RBFOX1: variants seen among roughly 807,000 people sequenced by gnomAD.
RBFOX1 encodes the protein RNA binding fox-1 homolog 1.
RBFOX1 carries 8 observed loss-of-function variants against 57.7 expected under a neutral mutation model. That is an observed-to-expected ratio of 0.14 (90% confidence interval 0.08 to 0.25). The LOEUF is 0.25. Among genes scored for constraint, RBFOX1 ranks in the 10% least tolerant of loss-of-function variants. RBFOX1 has a pLI of 1.00. For synonymous variants in RBFOX1, 326 were observed against 222.4 expected (o/e 1.47, Z -4.15); for missense variants, 611 against 548.5 (o/e 1.11, Z -1.14).
chr16:6,293,689 C>A (rs1317754433), intron 1 of RBFOX1, among the ~76,000 whole-genome samples: 1 of 152,038 alleles, frequency 6.6e-6, no homozygotes, highest in Non-Finnish European at 1.5e-5. Context: ...CTAGTTCAGC[C>A]CTCGTCGCCT....
chr16:5,266,588 C>T (rs1429716245), intron 1 of RBFOX1, among the ~76,000 whole-genome samples: 1 of 140,840 alleles, frequency 7.1e-6, no homozygotes, highest in Non-Finnish European at 1.5e-5. Flanking sequence ...TTCTCTGTCA[C>T]CCAGGCTGGA....
intron 3 of RBFOX1, among the ~76,000 whole-genome samples, chr16:6,758,669 C>A (rs750834655): frequency 2.0e-5 from 3 of 152,178 alleles, no homozygotes; most frequent in Non-Finnish European, 4.4e-5. Flanking sequence ...AGTAGCAAGA[C>A]ACACCACCAA....
intron 1 of RBFOX1, among the ~76,000 whole-genome samples, chr16:6,130,843 C>A (rs994567002): frequency 6.6e-6 from 1 of 152,052 alleles, no homozygotes; most frequent in African/African-American, 2.4e-5. Context: ...AATATGTATG[C>A]TGCTAATAAA....
intron 4 of RBFOX1, among the ~76,000 whole-genome samples, chr16:7,417,445 A>G (rs958231146): frequency 2.0e-5 from 3 of 151,496 alleles, no homozygotes; most frequent in Non-Finnish European, 4.4e-5. Context: ...ATCTTATATA[A>G]CCAAAGTACA....
chr16:5,837,233 T>G (rs559270252), intron 3 of RBFOX1, among the ~76,000 whole-genome samples: 1 of 149,240 alleles, frequency 6.7e-6, no homozygotes, highest in Non-Finnish European at 1.5e-5. Context: ...TATATTCCAG[T>G]CCCGCTAGAC....
At chr16:7,054,285 G>C (rs1272391452) in intron 4 of RBFOX1, among the ~76,000 whole-genome samples, 2 of 72,472 alleles carry the variant, frequency 2.8e-5, no homozygotes. Flanking sequence ...CTTTCATCAT[G>C]CTGGAGTGCC....
chr16:6,560,927 A>C lies in RBFOX1; in HGVS notation c.-63-93676A>C, dbSNP rs1443281115. 2.0e-5 allele frequency among the ~76,000 whole-genome samples: 3 copies of C among 152,200 alleles called. No individual in the cohort carries two copies. The East Asian group carries it at 5.8e-4, about 29-fold the overall frequency. On this transcript the variant is annotated intron_variant, in intron 2 of 15. Coordinates refer to ENST00000550418, the MANE Select transcript of RBFOX1 (RefSeq NM_018723.4). ...ATGCAGGCCACATCAAGATGATGCT[A>C]GTTGGCATTCATCCCTCAGAGGCAT...
At chr16:7,031,379 T>A (rs527512715) in intron 3 of RBFOX1, among the ~76,000 whole-genome samples, 1 of 152,194 alleles carries the variant, frequency 6.6e-6, no homozygotes, top group African/African-American at 2.4e-5. Flanking sequence ...GTGGATCACT[T>A]GAGGTCAGGA....
At chr16:7,391,224 G>C (rs2098011495) in intron 4 of RBFOX1, among the ~76,000 whole-genome samples, 1 of 152,152 alleles carries the variant, frequency 6.6e-6, no homozygotes, top group South Asian at 2.1e-4. Context: ...TAATCCCATG[G>C]GGTGGATTTT....
At chr16:6,951,430 T>A (rs188704809) in intron 3 of RBFOX1, among the ~76,000 whole-genome samples, 3 of 152,148 alleles carry the variant, frequency 2.0e-5, no homozygotes, top group African/African-American at 7.2e-5. Flanking sequence ...AAGAATCTCA[T>A]AATGGAGTCA....
In RBFOX1 at chr16:6,907,702, C is replaced by G. The variant is rs182604293; in HGVS notation, c.-15-144355C>G. On this transcript the variant is annotated intron_variant, in intron 3 of 15. Transcript: ENST00000550418. ...TCTCCTGGCTCAGCCTCCTGAGTAG[C>G]TGGGATTACAGGCATGCACCACCAT... 6.6e-5 allele frequency among the ~76,000 whole-genome samples: 10 copies of G among 152,274 alleles called. 1 individual carries two copies. Among genetic ancestry groups the G allele is most frequent in the African/African-American group, 2.2e-4 (9 of 41,544 alleles).
intron 2 of RBFOX1, among the ~76,000 whole-genome samples, chr16:6,623,693 T>C (rs1254178301): frequency 2.0e-5 from 3 of 150,178 alleles, no homozygotes; most frequent in Non-Finnish European, 3.0e-5. Flanking sequence ...GAACATGCGG[T>C]GTTTGGTTTT....
intron 1 of RBFOX1, among the ~76,000 whole-genome samples, chr16:6,162,614 C>T (rs2152747531): frequency 6.6e-6 from 1 of 152,142 alleles, no homozygotes; most frequent in Non-Finnish European, 1.5e-5. Context: ...ACAGTGTTTC[C>T]AAGGAAAGAA....
chr16:6,640,034 A>C (rs763713144), intron 2 of RBFOX1, among the ~76,000 whole-genome samples: 22 of 152,190 alleles, frequency 1.4e-4, no homozygotes, highest in African/African-American at 1.4e-4. Flanking sequence ...CCATTTTCTG[A>C]AATACAGAAA....
chr16:7,126,832 C>T (rs1367055458), intron 4 of RBFOX1, among the ~76,000 whole-genome samples: 1 of 151,782 alleles, frequency 6.6e-6, no homozygotes, highest in African/African-American at 2.4e-5. Context: ...TACGGTGAAA[C>T]CTCATCTCTA....
intron 1 of RBFOX1, among the ~76,000 whole-genome samples, chr16:6,210,144 C>T (rs1218330982): frequency 1.3e-5 from 2 of 150,670 alleles, no homozygotes; most frequent in South Asian, 2.1e-4. Context: ...ATGGTGAAAC[C>T]CCATCTCTAC....
chr16:7,287,383 C>T (rs980624290), intron 4 of RBFOX1, among the ~76,000 whole-genome samples: 5 of 152,162 alleles, frequency 3.3e-5, no homozygotes, highest in Non-Finnish European at 7.4e-5. Flanking sequence ...CAGCAGTGTG[C>T]AGGAACTATG....
At chr16:7,130,084 G>A (rs556607039) in intron 4 of RBFOX1, among the ~76,000 whole-genome samples, 1 of 150,750 alleles carries the variant, frequency 6.6e-6, no homozygotes, top group South Asian at 2.1e-4. Context: ...CCAGGCTGGG[G>A]TGCAATGGCG....
intron 1 of RBFOX1, among the ~76,000 whole-genome samples, chr16:6,085,323 A>G (rs1401721327): frequency 6.6e-6 from 1 of 152,210 alleles, no homozygotes; most frequent in Non-Finnish European, 1.5e-5. Context: ...CCCAGGCTGA[A>G]GTGCAGTGGT....
Sources: gnomAD v4.1 joint callset for allele counts (sites outside exome capture counted in the v4.1 genomes callset) on GRCh38, gnomAD v4.1.1 for gene constraint, MANE v1.5 for transcripts, NCBI Gene and HGNC (gene_info 2026-07-23, HGNC 2026-07-21) for gene names.